The following DNMT1 variants were observed in gnomAD, a reference collection of about 807,000 sequenced individuals.
The protein encoded by DNMT1 is DNA methyltransferase 1.
DNMT1 carries 24 observed loss-of-function variants against 205.3 expected under a neutral mutation model. The ratio of observed to expected loss-of-function variants is 0.12; its 90% CI spans 0.08 to 0.16. The LOEUF is 0.16. Among genes scored for constraint, DNMT1 ranks in the 10% least tolerant of loss-of-function variants. The pLI, the probability that DNMT1 is intolerant of heterozygous loss-of-function variation, is 1.00. For synonymous variants in DNMT1, 817 were observed against 839.8 expected, an observed-to-expected ratio of 0.97 and a Z score of 0.47; for missense variants, 1,293 against 2,177.7, an observed-to-expected ratio of 0.59 and a Z score of 8.09.
intron 29 of DNMT1, 137 bp downstream of exon 29, chr19:10,143,626 GATA>G: frequency 1.0e-6 from 1 of 973,606 alleles, no homozygotes; most frequent in Non-Finnish European, 1.6e-6. Context: ...AGTGCCCACC[GATA>G]ATCAGAAACA....
rs1350434017 is a variant in DNMT1, at chr19:10,154,723, G to A, written c.1695C>T (p.Ser565=). Residue 565 remains serine, a synonymous_variant, in exon 21 of 41, where the codon TCC becomes TCT. Coordinates refer to ENST00000359526, the MANE Select transcript of DNMT1 (RefSeq NM_001130823.3). This position sits in a 1 kb window ranked among gnomAD's most constrained non-coding sequence, Gnocchi z 6.3. The part of the protein sequence containing the change: ...GLNLNRFTED[S]LLRHAQFVVE... ...CCACAAACTGCGCGTGTCGCAGGAG[G>A]GAGTCCTCTGTGAAGCGGTTCAAGT... 6.2e-7 allele frequency: 1 copy of A among 1,614,092 alleles called. No individual in the cohort carries two copies. The highest frequency in any genetic ancestry group is 8.5e-7 in the Non-Finnish European group (1 of 1,180,056).
intron 9 of DNMT1, among the ~76,000 whole-genome samples, chr19:10,169,659 G>A (rs1203360443): frequency 2.0e-5 from 3 of 152,230 alleles, no homozygotes; most frequent in South Asian, 2.1e-4. Flanking sequence ...CCAGTTACTC[G>A]GGAGGCTGAG....
At chr19:10,143,652 G>T in intron 29 of DNMT1, 114 bp downstream of exon 29, 2 of 1,187,492 alleles carry the variant, frequency 1.7e-6, no homozygotes, top group Non-Finnish European at 2.5e-6. Context: ...TGGAAAAACA[G>T]CTACTTCAAC....
In DNMT1 at chr19:10,173,003, C is replaced by A. The variant is rs747533791; in HGVS notation, c.768+87G>T. The A allele has an allele frequency of 5.3e-6, 8 of 1,501,302 alleles. No individual in the cohort carries two copies. The Admixed American group carries it at 1.2e-4, about 22-fold the overall frequency. The allele number at this position is 1,501,302 out of a possible 1,614,324, so 93.0% of individuals were successfully genotyped here. A position where few individuals can be genotyped will look rare whatever the true frequency, so the allele number is the denominator to read the frequency against. On this transcript the variant is annotated intron_variant, in intron 9 of 40. Coordinates refer to ENST00000359526, the MANE Select transcript of DNMT1 (RefSeq NM_001130823.3). ...ACCCATCTTGTTCTTCCACGTTCCC[C>A]ACCCCCTGTCCCCACGTCCTGGAAG...
intron 29 of DNMT1, 51 bp from the exon 30 acceptor site, chr19:10,142,271 G>A (rs1303643179): frequency 3.1e-6 from 5 of 1,612,036 alleles, no homozygotes; most frequent in Middle Eastern, 1.7e-4. Context: ...GTGAGCTTAT[G>A]CTGAATTAAA....
rs142184151 is a variant in DNMT1, at chr19:10,182,485, A to G, written c.81-408T>C. ...TATGTGTGTATATATATACATATAT[A>G]TGTGTATATATATGTGTGTATATAT... On this transcript the variant is annotated intron_variant, in intron 1 of 40. Transcript: ENST00000359526. Among the ~76,000 whole-genome samples the G allele has an allele frequency of 3.7e-3, 461 of 126,250 alleles. 5 individuals carry two copies. Among genetic ancestry groups the G allele is most frequent in the South Asian group, 7.5e-3 (32 of 4,278 alleles). 82.8% of individuals were successfully genotyped at this position (126,250 alleles called of 152,430 possible).
intron 33 of DNMT1, 92 bp from the exon 34 acceptor site, chr19:10,139,909 AAAGT>A: frequency 6.4e-7 from 1 of 1,572,166 alleles, no homozygotes; most frequent in Non-Finnish European, 8.6e-7. Flanking sequence ...GAATGTTATC[AAAGT>A]CTCTCCCTGG....
At chr19:10,152,989 G>T (rs901373998) in intron 22 of DNMT1, among the ~76,000 whole-genome samples, 2 of 150,940 alleles carry the variant, frequency 1.3e-5, no homozygotes, top group African/African-American at 4.9e-5. Flanking sequence ...TGGTAAGTGA[G>T]AGAAATAAAA....
chr19:10,176,896 T>C (rs1390772342), intron 6 of DNMT1, among the ~76,000 whole-genome samples: 1 of 151,906 alleles, frequency 6.6e-6, no homozygotes, highest in Non-Finnish European at 1.5e-5. Context: ...TATTGTAAAA[T>C]ATGAGTAATT....
At chr19:10,155,739 T>C (rs1031021245) in intron 19 of DNMT1, 114 bp downstream of exon 19, 1 of 1,111,764 alleles carries the variant, frequency 9.0e-7, no homozygotes, top group African/African-American at 1.6e-5. Context: ...CCCAGTCACA[T>C]GGCCTTCTGC....
In DNMT1 at chr19:10,149,066, G is replaced by A. The variant is rs747301319; in HGVS notation, c.2587-49C>T. 16 of 1,609,728 alleles carry A rather than the reference G, an allele frequency of 9.9e-6. No homozygotes were observed. The South Asian group carries it at 1.2e-4, about 12-fold the overall frequency. ...AGGCCAGGCGCAGTGGCTCATGCCT[G>A]TATTCCCAGCACTATGGGAGGCCGA... is the stretch of plus-strand genomic sequence containing the variant. On this transcript the variant is annotated intron_variant, in intron 26 of 40. Coordinates refer to ENST00000359526, the MANE Select transcript of DNMT1 (RefSeq NM_001130823.3).
chr19:10,160,395 G>T lies in DNMT1; in HGVS notation c.1032C>A (p.Thr344=). 1.9e-6 allele frequency: 3 copies of T among 1,614,108 alleles called. No individual in the cohort carries two copies. Among genetic ancestry groups the T allele is most frequent in the Non-Finnish European group, 2.5e-6 (3 of 1,180,026 alleles). The change falls in exon 14 of 41, where the codon ACC becomes ACA. Residue 344 remains threonine (T), a synonymous_variant. Transcript: ENST00000359526. ...DEKEEKRRKT[T]PKEPTEKKMA... is the part of the protein sequence containing the mutation. The stretch of plus-strand genomic sequence containing the variant: ...GAATAAATTCTTACGGTTCTTTGGG[G>T]GTCGTTTTGCGTCTCTTCTCCTCCT...
chr19:10,188,297 T>TG (rs575201232), intron 1 of DNMT1, among the ~76,000 whole-genome samples: 4 of 151,484 alleles, frequency 2.6e-5, no homozygotes, highest in Non-Finnish European at 5.9e-5. Flanking sequence ...CCCAGCACTT[T>TG]GGGAGGCTGA....
At chr19:10,152,962 C>G (rs1290861991) in intron 22 of DNMT1, among the ~76,000 whole-genome samples, 1 of 148,668 alleles carries the variant, frequency 6.7e-6, no homozygotes, top group East Asian at 2.0e-4. Context: ...AAGCAATATT[C>G]AACCTCATTA....
intron 9 of DNMT1, among the ~76,000 whole-genome samples, chr19:10,172,867 C>T (rs138607049): frequency 6.6e-6 from 1 of 151,954 alleles, no homozygotes; most frequent in African/African-American, 2.4e-5. Flanking sequence ...AAATAAGTAG[C>T]AAGGGTCCTC....
chr19:10,188,864 G>C (rs1248094198), intron 1 of DNMT1, among the ~76,000 whole-genome samples: 1 of 152,224 alleles, frequency 6.6e-6, no homozygotes, highest in Non-Finnish European at 1.5e-5. Context: ...ACGACCCTCA[G>C]TTTAGAACCA....
In DNMT1 at chr19:10,166,609, C is replaced by T; in HGVS notation, c.880G>A (p.Gly294Arg). ...TAACCCGCCTTTACTTTCTCGTCTC[C>T]ATCTTCGTCCTCGTCAGCCTGCACG... ...AGVQADEDED[G>R]DEKDEKKHRS... The change falls in exon 11 of 41, where the codon GGA becomes AGA. Residue 294 changes from glycine to arginine, a missense_variant. By Grantham distance (125) the Gly-to-Arg change is moderately radical. This residue lies in a region of DNMT1 where 394 missense variants were observed against 451.6 expected (regional missense o/e 0.87). Transcript: ENST00000359526. 2.5e-6 allele frequency: 4 copies of T among 1,614,170 alleles called. No individual in the cohort carries two copies. In the South Asian group the frequency reaches 4.4e-5, roughly 18 times the overall value.
In DNMT1 at chr19:10,149,964, T is replaced by C. The variant is rs764389789; in HGVS notation, c.2270A>G (p.Asp757Gly). ...ISWVGEAVKTDGKKSYYKKVC... is the reference protein window; with the variant it reads ...ISWVGEAVKTGGKKSYYKKVC... ...CTTCTTATAGTAACTCTTCTTCCCA[T>C]CAGTCTGAAAATGAGAGCATAAGTT... The change falls in exon 25 of 41, where the codon GAT becomes GGT. Residue 757 changes from aspartate to glycine, a missense_variant. By Grantham distance (94) the Asp-to-Gly change is moderately conservative. Around this residue, in one of 13 missense-constraint regions of DNMT1, gnomAD observed 197 missense variants for 353.6 expected, o/e 0.56. Coordinates refer to ENST00000359526, the MANE Select transcript of DNMT1 (RefSeq NM_001130823.3). 2 of 1,614,072 alleles carry C rather than the reference T, an allele frequency of 1.2e-6. No individual in the cohort carries two copies. Among genetic ancestry groups the C allele is most frequent in the Non-Finnish European group, 1.7e-6 (2 of 1,179,906 alleles).
At chr19:10,135,954 C>T (rs1301074815) in intron 38 of DNMT1, 102 bp from the exon 39 acceptor site, 15 of 1,492,438 alleles carry the variant, frequency 1.0e-5, no homozygotes, top group Admixed American at 5.9e-5. Flanking sequence ...CGGCCATGGC[C>T]TTGGCCTATG....
Sources: allele counts gnomAD v4.1 joint callset (sites outside exome capture counted in the v4.1 genomes callset), GRCh38; gene constraint gnomAD v4.1.1; regional missense constraint gnomAD v4.1.1; non-coding constraint Gnocchi (gnomAD v3.1); transcripts MANE v1.5; gene names NCBI Gene and HGNC (gene_info 2026-07-23, HGNC 2026-07-21).